The following ADK variants were observed in gnomAD, a reference collection of about 807,000 sequenced individuals.
ADK encodes the protein adenosine kinase.
ADK carries 24 observed loss-of-function variants against 44.7 expected under a neutral mutation model. The observed-to-expected ratio is 0.54, with a 90% confidence interval of 0.39 to 0.76. ADK has a LOEUF of 0.76. ADK is among the 30% of genes least tolerant of loss of function. The pLI, the probability that ADK is intolerant of heterozygous loss-of-function variation, is 0.00. For missense variants in ADK, 321 were observed against 425.1 expected (o/e 0.76, Z 2.15); for synonymous variants, 128 against 142.6 (o/e 0.90, Z 0.73).
chr10:74,594,036 T>C (rs1851810107), intron 8 of ADK, among the ~76,000 whole-genome samples: 1 of 152,166 alleles, frequency 6.6e-6, no homozygotes, highest in South Asian at 2.1e-4. Flanking sequence ...GTTCTTTGCA[T>C]GGACATGGAT....
chr10:74,513,363 A>G (rs1201964776), intron 6 of ADK, among the ~76,000 whole-genome samples: 1 of 152,030 alleles, frequency 6.6e-6, no homozygotes, highest in Non-Finnish European at 1.5e-5. Context: ...GAAGTCCCCA[A>G]CTGTTATTTC....
Position 74,186,036 on chromosome 10 carries a change from A to T in ADK, c.66-14728A>T, listed in dbSNP as rs567497527. ...CTAATTTTTGTATATTTTTGTAGAG[A>T]TGGAGTTTCACCATGTCGGCCAGGC... On this transcript the variant is annotated intron_variant, in intron 1 of 10. Transcript: ENST00000539909. Among the ~76,000 whole-genome samples, 3 of 151,638 alleles carry T rather than the reference A, an allele frequency of 2.0e-5. No homozygotes were observed. The South Asian group carries it at 6.3e-4, about 32-fold the overall frequency.
intron 4 of ADK, among the ~76,000 whole-genome samples, chr10:74,345,629 C>T (rs998157886): frequency 9.9e-5 from 15 of 152,212 alleles, no homozygotes; most frequent in African/African-American, 2.9e-4. Flanking sequence ...TTTTTCCACC[C>T]GTACTTTCAA....
At chr10:74,626,765 T>G (rs541206818) in intron 9 of ADK, among the ~76,000 whole-genome samples, 2 of 152,322 alleles carry the variant, frequency 1.3e-5, no homozygotes, top group Non-Finnish European at 2.9e-5. Context: ...CAATGTTGTT[T>G]AAATATCTAG....
intron 4 of ADK, among the ~76,000 whole-genome samples, chr10:74,345,301 C>T (rs559705477): frequency 6.2e-5 from 7 of 112,808 alleles, no homozygotes; most frequent in South Asian, 2.7e-4. Flanking sequence ...GTTTGCATCA[C>T]GTATCTTTTT....
At chr10:74,688,772 C>T (rs1855878031) in intron 10 of ADK, among the ~76,000 whole-genome samples, 1 of 152,062 alleles carries the variant, frequency 6.6e-6, no homozygotes, top group Non-Finnish European at 1.5e-5. Flanking sequence ...AAAAATTAGC[C>T]AGACCTGGTG....
intron 3 of ADK, among the ~76,000 whole-genome samples, chr10:74,227,647 C>G (rs1339924163): frequency 1.3e-5 from 2 of 152,140 alleles, no homozygotes; most frequent in African/African-American, 4.8e-5. Context: ...AGTTCAAGAC[C>G]AGCCTGGCCA....
At chr10:74,511,095 CA>C (rs1848303227) in intron 6 of ADK, among the ~76,000 whole-genome samples, 1 of 152,166 alleles carries the variant, frequency 6.6e-6, no homozygotes, top group African/African-American at 2.4e-5. Context: ...CCAGTTTGCT[CA>C]GGACCATTTA....
At chr10:74,314,898 G>A (rs1275734627) in intron 4 of ADK, among the ~76,000 whole-genome samples, 153 bp downstream of exon 4, 1 of 152,092 alleles carries the variant, frequency 6.6e-6, no homozygotes, top group Non-Finnish European at 1.5e-5. Context: ...CTAATCAAAA[G>A]TTATTTTAAT....
At chr10:74,416,092 G>T (rs1383608277) in intron 6 of ADK, among the ~76,000 whole-genome samples, 1 of 150,788 alleles carries the variant, frequency 6.6e-6, no homozygotes, top group Non-Finnish European at 1.5e-5. Context: ...CGTGTTTGAG[G>T]GTCATGAGGG....
chr10:74,217,687 G>A (rs1844112218), intron 2 of ADK, among the ~76,000 whole-genome samples: 2 of 152,098 alleles, frequency 1.3e-5, no homozygotes, highest in South Asian at 2.1e-4. Context: ...CCAGAGGAAC[G>A]ATCAGACAGC....
intron 10 of ADK, among the ~76,000 whole-genome samples, chr10:74,689,465 A>G (rs763871795): frequency 6.6e-5 from 10 of 152,202 alleles, no homozygotes; most frequent in African/African-American, 1.9e-4. Flanking sequence ...TCAAGATTTC[A>G]TAAAATATAT....
chr10:74,569,250 T>G lies in ADK; in HGVS notation c.727-20032T>G, dbSNP rs144630131. Among the ~76,000 whole-genome samples the G allele has an allele frequency of 9.9e-3, 1,507 of 152,258 alleles. 13 individuals are homozygous for G. The highest frequency in any genetic ancestry group is 0.017 in the Middle Eastern group (5 of 294). ...CGCAATAAACATACGTGTGCATGTG[T>G]CTTTATGGCAGCATGATTTATAATC... On this transcript the variant is annotated intron_variant, in intron 7 of 10. Coordinates refer to ENST00000539909, the MANE Select transcript of ADK (RefSeq NM_006721.4).
intron 3 of ADK, among the ~76,000 whole-genome samples, chr10:74,299,773 A>G (rs1839939347): frequency 6.6e-6 from 1 of 151,740 alleles, no homozygotes; most frequent in Admixed American, 6.6e-5. Context: ...TTATTTGAAT[A>G]TCATTTATTA....
intron 3 of ADK, among the ~76,000 whole-genome samples, chr10:74,304,317 A>G (rs1040623740): frequency 6.6e-6 from 1 of 152,142 alleles, no homozygotes; most frequent in African/African-American, 2.4e-5. Context: ...TTCCACAATT[A>G]TAAACTTAGT....
At chr10:74,434,157 A>G (rs1473592040) in intron 6 of ADK, among the ~76,000 whole-genome samples, 6 of 152,192 alleles carry the variant, frequency 3.9e-5, no homozygotes, top group Admixed American at 3.9e-4. Context: ...CAAAAATAAC[A>G]TCTTAAGGAA....
At chr10:74,189,030 C>T (rs1248135102) in intron 1 of ADK, among the ~76,000 whole-genome samples, 1 of 152,138 alleles carries the variant, frequency 6.6e-6, no homozygotes, top group African/African-American at 2.4e-5. Flanking sequence ...CTTGGCCCCC[C>T]AAAGTGCCAC....
intron 8 of ADK, among the ~76,000 whole-genome samples, chr10:74,596,794 G>A (rs1459032883): frequency 2.6e-5 from 4 of 152,074 alleles, no homozygotes; most frequent in Admixed American, 6.6e-5. Context: ...CGATTCACCC[G>A]CCTCCGCCTC....
intron 4 of ADK, among the ~76,000 whole-genome samples, chr10:74,321,824 T>C (rs1262834852): frequency 9.2e-5 from 14 of 152,224 alleles, no homozygotes; most frequent in Non-Finnish European, 1.5e-5. Context: ...AAACTAGTGT[T>C]CATAATTGTA....
Sources: allele counts gnomAD v4.1 joint callset (sites outside exome capture counted in the v4.1 genomes callset), GRCh38; gene constraint gnomAD v4.1.1; transcripts MANE v1.5; gene names NCBI Gene and HGNC (gene_info 2026-07-23, HGNC 2026-07-21).